Variants in UNC13C observed in about 807,000 individuals in gnomAD.
The protein encoded by UNC13C is protein unc-13 homolog C.
UNC13C carries 174 observed loss-of-function variants against 245.4 expected under a neutral mutation model. The ratio of observed to expected loss-of-function variants is 0.71; its 90% confidence interval spans 0.63 to 0.80. UNC13C has a LOEUF of 0.80. UNC13C is among the 30% of genes least tolerant of loss of function. The pLI, the probability that UNC13C is intolerant of heterozygous loss-of-function variation, is 0.00. For synonymous variants in UNC13C, 992 were observed against 895.1 expected (o/e 1.11, Z -1.93); for missense variants, 2,829 against 2,602.9 (o/e 1.09, Z -1.89).
the UNC13C span, among the ~76,000 whole-genome samples, chr15:53,855,489 G>C: frequency 2.6e-5 from 4 of 152,112 alleles, no homozygotes; most frequent in South Asian, 2.1e-4. Context: ...AGTTAGTTAA[G>C]AGTTTTTAAA....
intron 31 of UNC13C, 68 bp from the exon 32 acceptor site, chr15:54,623,727 A>C: frequency 6.8e-7 from 1 of 1,462,066 alleles, no homozygotes; most frequent in East Asian, 2.4e-5. Context: ...TTCATAAATC[A>C]CTTTTAAAAT....
intron 2 of UNC13C, among the ~76,000 whole-genome samples, chr15:54,053,034 C>T (rs942506876): frequency 6.6e-6 from 1 of 152,094 alleles, no homozygotes; most frequent in Non-Finnish European, 1.5e-5. Context: ...GACTCTGTTG[C>T]CCAGGCTGGA....
downstream of UNC13C, chr15:54,628,892 C>CAA (rs1207784583): frequency 6.6e-6 from 1 of 152,068 alleles, no homozygotes; most frequent in East Asian, 1.9e-4. Context: ...CAAAGACCTA[C>CAA]AAACAGAATT....
At chr15:54,283,188 A>G (rs1228774049) in intron 10 of UNC13C, among the ~76,000 whole-genome samples, 2 of 152,112 alleles carry the variant, frequency 1.3e-5, no homozygotes, top group African/African-American at 2.4e-5. Context: ...GAGGGGTTTC[A>G]CCTGCTACAC....
At chr15:54,081,575 A>G (rs1257210948) in intron 2 of UNC13C, among the ~76,000 whole-genome samples, 2 of 150,826 alleles carry the variant, frequency 1.3e-5, no homozygotes, top group African/African-American at 4.9e-5. Flanking sequence ...GTTTTAAAGT[A>G]TGTTTCATCA....
At chr15:53,925,515 A>G in the UNC13C span, among the ~76,000 whole-genome samples, 1 of 152,220 alleles carries the variant, frequency 6.6e-6, no homozygotes, top group Non-Finnish European at 1.5e-5. Flanking sequence ...GAGCTTTAGT[A>G]TAAAGCTTGT....
chr15:54,042,136 G>C (rs572791429), intron 2 of UNC13C, among the ~76,000 whole-genome samples: 74 of 152,226 alleles, frequency 4.9e-4, no homozygotes, highest in Middle Eastern at 6.8e-3. Context: ...AATATTAGAA[G>C]TGGAAAACAC....
chr15:54,443,187 A>T (rs984632001), intron 19 of UNC13C, among the ~76,000 whole-genome samples: 1 of 152,008 alleles, frequency 6.6e-6, no homozygotes, highest in African/African-American at 2.4e-5. Flanking sequence ...TAGGTTTTCC[A>T]GTTTGTTAGC....
the UNC13C span, among the ~76,000 whole-genome samples, chr15:53,966,822 TTTC>T: frequency 6.6e-6 from 1 of 152,090 alleles, no homozygotes; most frequent in Non-Finnish European, 1.5e-5. Flanking sequence ...ACTATCTTAT[TTTC>T]TTCTTTGGGG....
chr15:53,843,662 A>G, the UNC13C span, among the ~76,000 whole-genome samples: 2 of 152,162 alleles, frequency 1.3e-5, no homozygotes, highest in African/African-American at 2.4e-5. Context: ...CCCATGAAGA[A>G]GACTGAAAAT....
At chr15:54,357,921 A>T (rs2039134260) in intron 17 of UNC13C, among the ~76,000 whole-genome samples, 1 of 152,032 alleles carries the variant, frequency 6.6e-6, no homozygotes, top group Non-Finnish European at 1.5e-5. Context: ...ATTAATCTTT[A>T]TTATTATCAA....
At chr15:54,076,716 C>G (rs28410353) in intron 2 of UNC13C, among the ~76,000 whole-genome samples, 31,797 of 151,968 alleles carry the variant, frequency 0.21, 3,824 homozygotes, top group South Asian at 0.33. Context: ...TACCCACCAC[C>G]CAACACACAA....
intron 19 of UNC13C, among the ~76,000 whole-genome samples, chr15:54,458,014 T>C (rs1156503795): frequency 6.6e-6 from 1 of 151,844 alleles, no homozygotes; most frequent in African/African-American, 2.4e-5. Flanking sequence ...TATTTAGATG[T>C]AGGCATTTAA....
chr15:53,976,506 C>G (rs577003592), upstream of UNC13C, among the ~76,000 whole-genome samples: 1 of 38,996 alleles, frequency 2.6e-5, no homozygotes, highest in African/African-American at 6.0e-5. Context: ...CAGTCTTGCT[C>G]TGTCGCCCAG....
At chr15:54,232,514 C>G (rs2035581208) in intron 4 of UNC13C, among the ~76,000 whole-genome samples, 1 of 151,996 alleles carries the variant, frequency 6.6e-6, no homozygotes, top group African/African-American at 2.4e-5. Context: ...TCTGGGTGTA[C>G]TTTGAAAATT....
chr15:53,957,618 C>T, the UNC13C span, among the ~76,000 whole-genome samples: 1 of 152,138 alleles, frequency 6.6e-6, no homozygotes, highest in African/African-American at 2.4e-5. Flanking sequence ...CCCTTATCTA[C>T]CCTAAGCAAA....
chr15:54,229,099 G>A (rs754233407), intron 4 of UNC13C, among the ~76,000 whole-genome samples: 1 of 152,192 alleles, frequency 6.6e-6, no homozygotes, highest in Non-Finnish European at 1.5e-5. Flanking sequence ...AGTTCTGCCT[G>A]TTGTTGCTTT....
intron 4 of UNC13C, 45 bp downstream of exon 4, chr15:54,143,729 C>G (rs1196226144): frequency 1.3e-6 from 2 of 1,484,820 alleles, no homozygotes; most frequent in South Asian, 2.3e-5. Context: ...TCATAGATGG[C>G]ACTTGGCTGT....
chr15:54,265,201 A>T (rs1300154141), intron 9 of UNC13C, among the ~76,000 whole-genome samples, 154 bp from the exon 10 acceptor site: 4 of 151,972 alleles, frequency 2.6e-5, no homozygotes, highest in Admixed American at 6.6e-5. Context: ...TTTTTATTAA[A>T]TTTTTTTAAA....
Sources: gnomAD v4.1 joint callset for allele counts (sites outside exome capture counted in the v4.1 genomes callset) on GRCh38, gnomAD v4.1.1 for gene constraint, MANE v1.5 for transcripts, NCBI Gene and HGNC (gene_info 2026-07-23, HGNC 2026-07-21) for gene names.